DESI2: variants seen among roughly 807,000 people sequenced by gnomAD.
DESI2 encodes the protein deubiquitinase DESI2.
DESI2 carries 10 observed loss-of-function variants against 24.1 expected under a neutral mutation model. The ratio of observed to expected loss-of-function variants is 0.41; its 90% confidence interval spans 0.26 to 0.70. The LOEUF (loss-of-function observed/expected upper bound fraction) is 0.70, where lower values mean the gene tolerates loss of function less well. DESI2 is among the 30% of genes least tolerant of loss of function. The pLI is 0.29. For missense variants in DESI2, 122 were observed against 234.9 expected, an observed-to-expected ratio of 0.52 and a Z score of 3.14; for synonymous variants, 71 against 87.7, an observed-to-expected ratio of 0.81 and a Z score of 1.06.
At chr1:244,678,377 G>A (rs978677529) in intron 1 of DESI2, among the ~76,000 whole-genome samples, 1 of 152,172 alleles carries the variant, frequency 6.6e-6, no homozygotes, top group Admixed American at 6.6e-5. Context: ...GCAACATATA[G>A]GAGTTCTAAG....
intron 4 of DESI2, among the ~76,000 whole-genome samples, chr1:244,701,732 T>C (rs1357201812): frequency 6.6e-6 from 1 of 152,254 alleles, no homozygotes; most frequent in Admixed American, 6.5e-5. Context: ...CTATATATGC[T>C]TTTCTCCATT....
At chr1:244,688,272 TTATCCC>T in intron 2 of DESI2, among the ~76,000 whole-genome samples, 1 of 152,342 alleles carries the variant, frequency 6.6e-6, no homozygotes, top group Middle Eastern at 3.4e-3. Context: ...AAATATAATC[TTATCCC>T]TTCCAACCTG....
chr1:244,703,637 C>T (rs1466398338), intron 4 of DESI2, among the ~76,000 whole-genome samples: 1 of 150,554 alleles, frequency 6.6e-6, no homozygotes, highest in Non-Finnish European at 1.5e-5. Context: ...AGGCATGAGC[C>T]ACCATGCCTG....
rs1677811767 is a variant in DESI2, at chr1:244,708,798, T to C, written c.*3009T>C. 1 of 152,646 alleles carries C rather than the reference T, an allele frequency of 6.6e-6. No homozygotes were observed. The highest frequency in any genetic ancestry group is 2.1e-4 in the South Asian group (1 of 4,832). The allele number at this position is 152,646 out of a possible 1,614,324, so 9.5% of individuals were successfully genotyped here. A position where few individuals can be genotyped will look rare whatever the true frequency, so the allele number is the denominator to read the frequency against. ...CCCAGATCAGTTAGTAGGCTTTCGT[T>C]GTCTTCTCTTTCAATACATGTACAT... On this transcript the variant is annotated 3_prime_UTR_variant, in exon 5 of 5. Transcript: ENST00000302550.
intron 1 of DESI2, among the ~76,000 whole-genome samples, chr1:244,685,020 G>A (rs1676766167): frequency 6.6e-6 from 1 of 152,052 alleles, no homozygotes; most frequent in Non-Finnish European, 1.5e-5. Context: ...TCCAAAATCA[G>A]GAACTCAAAA....
Position 244,705,657 on chromosome 1 carries a change from G to T in DESI2, c.453G>T (p.Thr151=). ...LQSCLPKEWL[T]PAALQSSVSQ... ...GTTGCCTCCCGAAGGAGTGGCTCAC[G>T]CCCGCAGCCCTGCAGTCTAGTGTCA... The change falls in exon 5 of 5, where the codon ACG becomes ACT. Residue 151 remains threonine (T), a synonymous_variant. Transcript: ENST00000302550. The T allele has an allele frequency of 2.5e-6, 4 of 1,614,052 alleles. No individual in the cohort carries two copies. Among genetic ancestry groups the T allele is most frequent in the Non-Finnish European group, 3.4e-6 (4 of 1,180,018 alleles).
At chr1:244,672,319 C>T (rs1186507597) in intron 1 of DESI2, among the ~76,000 whole-genome samples, 1 of 152,072 alleles carries the variant, frequency 6.6e-6, no homozygotes, top group Admixed American at 6.6e-5. Context: ...GAGCCGGGAC[C>T]TCCCCATTTC....
At chr1:244,669,032 A>T (rs1342875448) in intron 1 of DESI2, among the ~76,000 whole-genome samples, 1 of 152,092 alleles carries the variant, frequency 6.6e-6, no homozygotes, top group East Asian at 1.9e-4. Flanking sequence ...ACAGGGTCTT[A>T]CTTTGACACC....
intron 1 of DESI2, among the ~76,000 whole-genome samples, chr1:244,663,756 C>T (rs750446112): frequency 7.9e-5 from 12 of 151,902 alleles, no homozygotes; most frequent in Admixed American, 2.6e-4. Context: ...CGGTGGCTCA[C>T]GCCTGTAATC....
intron 3 of DESI2, among the ~76,000 whole-genome samples, chr1:244,690,044 T>C (rs1446125181): frequency 1.3e-5 from 2 of 152,224 alleles, no homozygotes; most frequent in East Asian, 3.8e-4. Context: ...ACTGGAGTCT[T>C]ACGAGTAATA....
chr1:244,689,182 G>A lies in DESI2; in HGVS notation c.116-67G>A. The A allele has an allele frequency of 1.2e-6, 1 of 808,678 alleles. No homozygotes were observed. The highest frequency in any genetic ancestry group is 2.1e-6 in the Non-Finnish European group (1 of 466,286). 50.1% of individuals were successfully genotyped at this position (808,678 alleles called of 1,614,324 possible). A position where few individuals can be genotyped will look rare whatever the true frequency, so the allele number is the denominator to read the frequency against. ...GTCACTGTTATCCTCAATTATTAAA[G>A]CTAATTCAGCATTCTGGTTAAATTT... On this transcript the variant is annotated intron_variant, in intron 2 of 4. Coordinates refer to ENST00000302550, the MANE Select transcript of DESI2 (RefSeq NM_016076.5). The surrounding 1 kb of genome is among the most constrained non-coding windows in gnomAD (Gnocchi z 4.0).
chr1:244,680,154 C>T (rs1676559387), intron 1 of DESI2, among the ~76,000 whole-genome samples: 1 of 151,236 alleles, frequency 6.6e-6, no homozygotes, highest in African/African-American at 2.4e-5. Flanking sequence ...TTTTAAAAAC[C>T]AAGCCATCCA....
In DESI2 at chr1:244,707,423, C is replaced by CT. The variant is rs1397191899; in HGVS notation, c.*1637dup. ...CTGTTCTGTTTCCAGAGAGGAAAGC[C>CT]TTTACAAATTACTCTCAGTTCTTTA... is the stretch of plus-strand genomic sequence containing the variant. On this transcript the variant is annotated 3_prime_UTR_variant, in exon 5 of 5. Transcript: ENST00000302550. 1 of 152,552 alleles carries CT rather than the reference C, an allele frequency of 6.6e-6. No individual in the cohort carries two copies. Among genetic ancestry groups the CT allele is most frequent in the Admixed American group, 6.6e-5 (1 of 15,266 alleles). The allele number at this position is 152,552 out of a possible 1,614,324, so 9.4% of individuals were successfully genotyped here. A position where few individuals can be genotyped will look rare whatever the true frequency, so the allele number is the denominator to read the frequency against.
intron 1 of DESI2, among the ~76,000 whole-genome samples, chr1:244,660,119 A>G (rs781523498): frequency 6.6e-6 from 1 of 152,102 alleles, no homozygotes. Flanking sequence ...CAGAGAGCCT[A>G]CTATTTAGAT....
Position 244,653,176 on chromosome 1 carries a change from C to T in DESI2, c.-138C>T. The T allele has an allele frequency of 1.2e-6, 1 of 866,084 alleles. No individual in the cohort carries two copies. Among genetic ancestry groups the T allele is most frequent in the Non-Finnish European group, 1.6e-6 (1 of 635,824 alleles). 53.6% of individuals were successfully genotyped at this position (866,084 alleles called of 1,614,324 possible). On this transcript the variant is annotated 5_prime_UTR_variant, in exon 1 of 5. Transcript: ENST00000302550. ...GAGCGGCTCGGCTGCCCGATGCTTCCGCCCCGGCTGCCGCGGGCCGGGCTG... is the reference window on the plus strand; with the variant it reads ...GAGCGGCTCGGCTGCCCGATGCTTCTGCCCCGGCTGCCGCGGGCCGGGCTG...
intron 1 of DESI2, among the ~76,000 whole-genome samples, chr1:244,676,171 G>C (rs190341382): frequency 6.6e-6 from 1 of 151,796 alleles, no homozygotes; most frequent in East Asian, 1.9e-4. Context: ...CCACCTCCCT[G>C]GTTCAGGCCA....
At chr1:244,674,517 A>G (rs892071612) in intron 1 of DESI2, among the ~76,000 whole-genome samples, 3 of 152,110 alleles carry the variant, frequency 2.0e-5, no homozygotes, top group Non-Finnish European at 4.4e-5. Flanking sequence ...ATCACTTCCC[A>G]TATCTTCCCA....
intron 1 of DESI2, among the ~76,000 whole-genome samples, chr1:244,657,369 C>T (rs778251807): frequency 5.3e-5 from 8 of 152,226 alleles, no homozygotes; most frequent in Non-Finnish European, 7.3e-5. Flanking sequence ...CAAACTTCTT[C>T]CCTTTCCTCC....
At position 244,704,558 on chromosome 1, in the gene DESI2, G is replaced by A. The variant is rs983661738; in HGVS notation, c.352-998G>A. ...CCTCCTGGCACTTGTATTCTATCCC[G>A]CTAGTGTCTTCAGACTGAAGCATGG... On this transcript the variant is annotated intron_variant, in intron 4 of 4. Transcript: ENST00000302550. Among the ~76,000 whole-genome samples the A allele has an allele frequency of 9.2e-5, 14 of 152,176 alleles. No individual in the cohort carries two copies. In the South Asian group the frequency reaches 1.0e-3, roughly 11 times the overall value.
Sources: allele counts gnomAD v4.1 joint callset (sites outside exome capture counted in the v4.1 genomes callset), GRCh38; gene constraint gnomAD v4.1.1; non-coding constraint Gnocchi (gnomAD v3.1); transcripts MANE v1.5; gene names NCBI Gene and HGNC (gene_info 2026-07-23, HGNC 2026-07-21).